The following PREX1 variants were observed in gnomAD, a reference collection of about 807,000 sequenced individuals.
The protein encoded by PREX1 is phosphatidylinositol-3,4,5-trisphosphate dependent Rac exchange factor 1.
A neutral mutation model predicts 198.3 loss-of-function variants in PREX1; 41 were observed. The observed-to-expected ratio is 0.21, with a 90% CI of 0.16 to 0.27. The LOEUF (loss-of-function observed/expected upper bound fraction) is 0.27. Ranked by LOEUF, PREX1 falls within the 10% of genes least tolerant of loss-of-function variation. The probability of loss-of-function intolerance (pLI) is 1.00; values close to 1 mark genes in which losing one functional copy is unlikely to be tolerated. For missense variants in PREX1, 1,620 were observed against 2,200.7 expected, an observed-to-expected ratio of 0.74 and a Z score of 5.28; for synonymous variants, 843 against 887.2, an observed-to-expected ratio of 0.95 and a Z score of 0.89.
At chr20:48,865,507 C>G in the PREX1 span, among the ~76,000 whole-genome samples, 3 of 152,150 alleles carry the variant, frequency 2.0e-5, no homozygotes, top group African/African-American at 7.2e-5. Flanking sequence ...AAGAAAGGTT[C>G]AGAACATTAT....
At chr20:48,788,207 G>C (rs2090321997) in intron 1 of PREX1, among the ~76,000 whole-genome samples, 1 of 152,208 alleles carries the variant, frequency 6.6e-6, no homozygotes, top group Non-Finnish European at 1.5e-5. Flanking sequence ...GGCGGGCAGT[G>C]TCCTCGAGCC....
chr20:48,884,801 C>A, the PREX1 span, among the ~76,000 whole-genome samples: 1 of 152,164 alleles, frequency 6.6e-6, no homozygotes, highest in Non-Finnish European at 1.5e-5. Flanking sequence ...CTAAAGAATA[C>A]AACCCAATAG....
intron 6 of PREX1, among the ~76,000 whole-genome samples, chr20:48,702,206 TAA>T (rs71184231): frequency 1.5e-4 from 19 of 122,754 alleles, no homozygotes; most frequent in East Asian, 2.4e-4. Flanking sequence ...GGACTCTGTC[TAA>T]AAAAAAAAAA....
intron 7 of PREX1, among the ~76,000 whole-genome samples, chr20:48,699,836 C>A (rs976266353): frequency 1.3e-5 from 2 of 152,184 alleles, no homozygotes; most frequent in Admixed American, 1.3e-4. Context: ...CCTGAATATC[C>A]ACACATGCCC....
intron 5 of PREX1, among the ~76,000 whole-genome samples, chr20:48,724,446 G>A (rs1427319964): frequency 1.3e-5 from 2 of 152,148 alleles, no homozygotes; most frequent in Non-Finnish European, 2.9e-5. Flanking sequence ...TTACACACTC[G>A]TAAATGACAG....
chr20:48,786,654 A>G (rs2090313484), intron 1 of PREX1, among the ~76,000 whole-genome samples: 1 of 151,956 alleles, frequency 6.6e-6, no homozygotes, highest in South Asian at 2.1e-4. Context: ...TGAGGTGGGA[A>G]AAATCGCTTG....
rs753628261 is a variant in PREX1, at chr20:48,692,658, G to A, written c.1036+14C>T. The A allele has an allele frequency of 1.2e-6, 2 of 1,603,994 alleles. No homozygotes were observed. The highest frequency in any genetic ancestry group is 1.7e-6 in the Non-Finnish European group (2 of 1,170,916). ...GCTCAGGCAGGGCTCAGGCAAGGCT[G>A]GGGGAGGGGCTACCTGTCCCATCTT... On this transcript the variant is annotated intron_variant, in intron 8 of 39. Transcript: ENST00000371941.
intron 10 of PREX1, among the ~76,000 whole-genome samples, chr20:48,682,998 T>G (rs1253962434): frequency 1.3e-5 from 2 of 149,712 alleles, no homozygotes; most frequent in African/African-American, 2.5e-5. Flanking sequence ...GCATTCAGAA[T>G]GCCCTGGCTG....
intron 31 of PREX1, 140 bp downstream of exon 31, chr20:48,637,571 G>C: frequency 2.4e-6 from 2 of 848,740 alleles, no homozygotes; most frequent in South Asian, 2.1e-5. Context: ...AGAGGAAGAA[G>C]CAAGTTTCAA....
chr20:48,659,927 G>A lies in PREX1; in HGVS notation c.1873C>T (p.Arg625Cys), dbSNP rs771323938. 58 of 1,614,048 alleles carry A rather than the reference G, an allele frequency of 3.6e-5. No homozygotes were observed. Among genetic ancestry groups the A allele is most frequent in the Middle Eastern group, 3.3e-4 (2 of 6,046 alleles). ...CTCAGCTGTGCTCCTACCAGCAGGC[G>A]CTTGGCCAGAATGTTCTCCACCAGC... Reference protein sequence around the residue: ...FKLVENILAKRLLILPQEEDY... With the variant: ...FKLVENILAKCLLILPQEEDY... Residue 625 changes from arginine (R) to cysteine (C), a missense_variant, in exon 16 of 40, where the codon CGC becomes TGC. By Grantham distance (180) the Arg-to-Cys change is radical. Transcript: ENST00000371941.
At chr20:48,710,830 C>T (rs896708337) in intron 5 of PREX1, among the ~76,000 whole-genome samples, 3 of 152,218 alleles carry the variant, frequency 2.0e-5, no homozygotes, top group East Asian at 1.9e-4. Flanking sequence ...GAGAAGAGCA[C>T]GTGCAAAGGC....
At chr20:48,795,829 AC>A (rs1235117625) in intron 1 of PREX1, among the ~76,000 whole-genome samples, 1 of 152,144 alleles carries the variant, frequency 6.6e-6, no homozygotes, top group Non-Finnish European at 1.5e-5. Context: ...CAGAATTTGA[AC>A]CCAGGAGCTC....
intron 1 of PREX1, among the ~76,000 whole-genome samples, chr20:48,804,183 A>C (rs1483049285): frequency 1.3e-5 from 2 of 152,228 alleles, no homozygotes; most frequent in Admixed American, 6.5e-5. Context: ...GCAAATATCT[A>C]CTAAGCACCC....
At chr20:48,881,040 C>G in the PREX1 span, among the ~76,000 whole-genome samples, 4 of 83,020 alleles carry the variant, frequency 4.8e-5, no homozygotes, top group African/African-American at 2.0e-4. Context: ...GATTAAAAAG[C>G]AACTCTACCC....
At chr20:48,669,473 G>A (rs759738862) in intron 14 of PREX1, among the ~76,000 whole-genome samples, 1 of 152,164 alleles carries the variant, frequency 6.6e-6, no homozygotes, top group Non-Finnish European at 1.5e-5. Flanking sequence ...CATGCGGGCA[G>A]GGACACTGCC....
At chr20:48,877,918 G>A in the PREX1 span, among the ~76,000 whole-genome samples, 1 of 152,196 alleles carries the variant, frequency 6.6e-6, no homozygotes, top group Admixed American at 6.5e-5. Context: ...AGACCAGCCT[G>A]GCCAACATGG....
In PREX1 at chr20:48,649,474, C is replaced by A. The variant is rs201253741; in HGVS notation, c.3131G>T (p.Gly1044Val). 4.6e-5 allele frequency: 74 copies of A among 1,614,142 alleles called. No individual in the cohort carries two copies. The highest frequency in any genetic ancestry group is 5.7e-5 in the Non-Finnish European group (67 of 1,180,012). ...TGGCCCGAAGCTGCCATCATGGAGACCCTGGCCTTGGGGATCACCCTCTGC... is the reference window on the plus strand; with the variant it reads ...TGGCCCGAAGCTGCCATCATGGAGAACCTGGCCTTGGGGATCACCCTCTGC... ...PAAEGDPQGQ[G>V]LHDGSFGPAS... Residue 1044 changes from glycine (G) to valine (V), a missense_variant, in exon 25 of 40, where the codon GGT becomes GTT. Coordinates refer to ENST00000371941, the MANE Select transcript of PREX1 (RefSeq NM_020820.4).
intron 15 of PREX1, among the ~76,000 whole-genome samples, chr20:48,665,819 A>G (rs573362193): frequency 2.0e-5 from 3 of 152,188 alleles, no homozygotes; most frequent in Non-Finnish European, 4.4e-5. Context: ...CTCTCTCCCA[A>G]TGGAAAGAAA....
chr20:48,681,585 T>TGGAA (rs982815902), intron 10 of PREX1, among the ~76,000 whole-genome samples: 10 of 150,426 alleles, frequency 6.6e-5, no homozygotes, highest in East Asian at 3.9e-4. Flanking sequence ...CATGGATGGA[T>TGGAA]GGAAGGAAGG....
Sources: allele counts gnomAD v4.1 joint callset (sites outside exome capture counted in the v4.1 genomes callset), GRCh38; gene constraint gnomAD v4.1.1; transcripts MANE v1.5; gene names NCBI Gene and HGNC (gene_info 2026-07-23, HGNC 2026-07-21).